Variants in CSMD1 observed in about 807,000 individuals in gnomAD.
CSMD1 encodes CUB and sushi domain-containing protein 1.
In CSMD1, 213 loss-of-function variants were observed where a neutral mutation model predicts 417.5. The ratio of observed to expected loss-of-function variants is 0.51; its 90% confidence interval spans 0.46 to 0.57. The LOEUF (loss-of-function observed/expected upper bound fraction) is 0.57. Ranked by LOEUF, CSMD1 falls within the 20% of genes least tolerant of loss-of-function variation. CSMD1 has a pLI of 0.00. For missense variants in CSMD1, 6,923 were observed against 4,529.7 expected (o/e 1.53, Z -15.17); for synonymous variants, 2,862 against 1,736.8 (o/e 1.65, Z -16.11).
intron 5 of CSMD1, among the ~76,000 whole-genome samples, chr8:3,759,993 C>G (rs1797902598): frequency 6.6e-6 from 1 of 151,798 alleles, no homozygotes; most frequent in African/African-American, 2.4e-5. Flanking sequence ...AGCGCACTGA[C>G]CATTTTCTCT....
intron 36 of CSMD1, among the ~76,000 whole-genome samples, chr8:3,184,993 C>T (rs906458451): frequency 6.6e-6 from 1 of 152,164 alleles, no homozygotes; most frequent in Non-Finnish European, 1.5e-5. Context: ...TGGTTTGTCT[C>T]CTTTATAATA....
chr8:3,183,614 G>A (rs1450082855), intron 36 of CSMD1, among the ~76,000 whole-genome samples: 1 of 150,500 alleles, frequency 6.6e-6, no homozygotes, highest in African/African-American at 2.5e-5. Context: ...GGTCTCTAAT[G>A]TTTCTTAACG....
intron 3 of CSMD1, among the ~76,000 whole-genome samples, chr8:4,379,223 G>A (rs946334080): frequency 6.6e-6 from 1 of 152,064 alleles, no homozygotes; most frequent in South Asian, 2.1e-4. Context: ...CCAAATTATG[G>A]GAAAATATCA....
chr8:3,872,186 T>G (rs1387707953), intron 5 of CSMD1, among the ~76,000 whole-genome samples: 1 of 152,204 alleles, frequency 6.6e-6, no homozygotes, highest in East Asian at 1.9e-4. Flanking sequence ...ATTACAGTGT[T>G]TAATGGAAAT....
At chr8:4,808,876 C>G (rs1267241770) in intron 1 of CSMD1, among the ~76,000 whole-genome samples, 1 of 152,204 alleles carries the variant, frequency 6.6e-6, no homozygotes, top group African/African-American at 2.4e-5. Flanking sequence ...AAGTCTGGAT[C>G]CAATATTCTT....
At chr8:3,736,646 C>T (rs565471239) in intron 6 of CSMD1, among the ~76,000 whole-genome samples, 1 of 152,188 alleles carries the variant, frequency 6.6e-6, no homozygotes, top group African/African-American at 2.4e-5. Context: ...TGCCCCAGGT[C>T]TTCCATCACC....
At chr8:4,665,843 A>T (rs531777825) in intron 1 of CSMD1, among the ~76,000 whole-genome samples, 1 of 152,318 alleles carries the variant, frequency 6.6e-6, no homozygotes, top group South Asian at 2.1e-4. Context: ...TCCTGTAGAC[A>T]TGTTTTCATT....
In CSMD1 at chr8:3,029,316, T is replaced by G; in HGVS notation, c.7855+3A>C. 1 of 1,601,754 alleles carries G rather than the reference T, an allele frequency of 6.2e-7. No homozygotes were observed. The highest frequency in any genetic ancestry group is 8.5e-7 in the Non-Finnish European group (1 of 1,174,574). On this transcript the variant is annotated splice_donor_region_variant and intron_variant, in intron 51 of 69. Coordinates refer to ENST00000635120, the MANE Select transcript of CSMD1 (RefSeq NM_033225.6). Reference sequence around the variant, plus strand: ...TTTCAGGGGTGCCTCCCTCATCACTTACCTCGACAGCTTGGCCTCTCATCT... The same window carrying G: ...TTTCAGGGGTGCCTCCCTCATCACTGACCTCGACAGCTTGGCCTCTCATCT...
chr8:3,087,242 A>C lies in CSMD1; in HGVS notation c.7329T>G (p.Ile2443Met), dbSNP rs1814600180. Residue 2443 changes from isoleucine (I) to methionine (M), a missense_variant, in exon 49 of 70, where the codon ATT (isoleucine) becomes ATG (methionine). Transcript: ENST00000635120. Reference sequence around the variant, plus strand: ...CAACCGCTCCTGCAGTCCTGTTTAGAATACCCCCATTCTTCAGGGGGTGGG... The same window carrying C: ...CAACCGCTCCTGCAGTCCTGTTTAGCATACCCCCATTCTTCAGGGGGTGGG... ...SLTHPLKNGG[I>M]LNRTAGAVGS... 1.9e-6 allele frequency: 3 copies of C among 1,613,978 alleles called. No individual in the cohort carries two copies. Among genetic ancestry groups the C allele is most frequent in the African/African-American group, 2.7e-5 (2 of 75,036 alleles).
At chr8:3,082,923 C>T (rs1235131016) in intron 49 of CSMD1, among the ~76,000 whole-genome samples, 1 of 152,134 alleles carries the variant, frequency 6.6e-6, no homozygotes, top group Non-Finnish European at 1.5e-5. Context: ...CGAATGTGAA[C>T]ATCTGCGGGA....
chr8:3,836,337 G>A (rs1229586567), intron 5 of CSMD1, among the ~76,000 whole-genome samples: 1 of 152,112 alleles, frequency 6.6e-6, no homozygotes, highest in African/African-American at 2.4e-5. Flanking sequence ...ACTTGACAAA[G>A]ATCTATGAGG....
chr8:4,172,947 G>C (rs1222772620), intron 3 of CSMD1, among the ~76,000 whole-genome samples: 1 of 152,060 alleles, frequency 6.6e-6, no homozygotes, highest in Non-Finnish European at 1.5e-5. Flanking sequence ...GAAAAACCTC[G>C]AGGGCTGAGG....
chr8:4,092,988 G>T (rs538559223), intron 3 of CSMD1, among the ~76,000 whole-genome samples: 1 of 151,864 alleles, frequency 6.6e-6, no homozygotes, highest in African/African-American at 2.4e-5. Flanking sequence ...ATACATAGTG[G>T]GGGTCAAAGA....
intron 3 of CSMD1, among the ~76,000 whole-genome samples, chr8:4,321,057 G>T (rs763658179): frequency 6.6e-5 from 10 of 152,090 alleles, no homozygotes; most frequent in Non-Finnish European, 1.0e-4. Context: ...TTTACACACA[G>T]ATCTCTTATG....
rs148143560 is a variant in CSMD1, at chr8:3,180,504, A to G, written c.5725+606T>C. ...TTTAATTACTCATAAAAAACTAGTAATATTACAAGTGGTTCATTTTTGTGC... is the reference window on the plus strand; with the variant it reads ...TTTAATTACTCATAAAAAACTAGTAGTATTACAAGTGGTTCATTTTTGTGC... On this transcript the variant is annotated intron_variant, in intron 37 of 69. Coordinates refer to ENST00000635120, the MANE Select transcript of CSMD1 (RefSeq NM_033225.6). Among the ~76,000 whole-genome samples, 84 of 152,300 alleles carry G rather than the reference A, an allele frequency of 5.5e-4. 1 individual carries two copies. In the East Asian group the frequency reaches 8.5e-3, roughly 15 times the overall value.
At chr8:4,009,227 G>C (rs920057807) in intron 4 of CSMD1, among the ~76,000 whole-genome samples, 2 of 152,160 alleles carry the variant, frequency 1.3e-5, no homozygotes, top group Non-Finnish European at 2.9e-5. Flanking sequence ...AAATCAGAAT[G>C]AACTGATTTC....
At chr8:4,004,807 C>G (rs1311964645) in intron 4 of CSMD1, among the ~76,000 whole-genome samples, 4 of 151,888 alleles carry the variant, frequency 2.6e-5, no homozygotes, top group Non-Finnish European at 4.4e-5. Context: ...TGCAGTGGCG[C>G]GATCTTGGCT....
intron 52 of CSMD1, 147 bp from the exon 53 acceptor site, chr8:3,000,278 A>G: frequency 2.4e-6 from 1 of 415,572 alleles, no homozygotes; most frequent in East Asian, 3.7e-5. Flanking sequence ...TATACTTTTA[A>G]ATATAGTTTT....
At chr8:4,475,687 G>A (rs1051203396) in intron 2 of CSMD1, among the ~76,000 whole-genome samples, 2 of 27,398 alleles carry the variant, frequency 7.3e-5, no homozygotes, top group East Asian at 1.3e-3. Context: ...CATGATCTCA[G>A]CTCACTGCAG....
Sources: allele counts gnomAD v4.1 joint callset (sites outside exome capture counted in the v4.1 genomes callset), GRCh38; gene constraint gnomAD v4.1.1; transcripts MANE v1.5; gene names NCBI Gene and HGNC (gene_info 2026-07-23, HGNC 2026-07-21).